The following MYO3A variants were observed in gnomAD, a reference collection of about 807,000 sequenced individuals.
MYO3A encodes the protein myosin-IIIa.
A neutral mutation model predicts 192.7 loss-of-function variants in MYO3A; 180 were observed. That is an observed-to-expected ratio of 0.93 (90% CI 0.83 to 1.06). The LOEUF (loss-of-function observed/expected upper bound fraction) is 1.06. Among genes scored for constraint, MYO3A ranks in the 50% least tolerant of loss-of-function variants. The probability of loss-of-function intolerance (pLI) is 0.00; values close to 1 mark genes in which losing one functional copy is unlikely to be tolerated. For synonymous variants in MYO3A, 628 were observed against 645.3 expected (o/e 0.97, Z 0.41); for missense variants, 1,896 against 1,905.0 (o/e 1.00, Z 0.09).
chr10:26,094,992 C>T (rs548311465), intron 15 of MYO3A, among the ~76,000 whole-genome samples: 1 of 152,010 alleles, frequency 6.6e-6, no homozygotes, highest in African/African-American at 2.4e-5. Flanking sequence ...TTTCATTGGC[C>T]CCCTAAGTTT....
chr10:25,991,199 G>A (rs1467692441), intron 4 of MYO3A, among the ~76,000 whole-genome samples: 2 of 152,072 alleles, frequency 1.3e-5, no homozygotes, highest in African/African-American at 2.4e-5. Context: ...TTTAATGATC[G>A]CCATTCTAAC....
intron 17 of MYO3A, among the ~76,000 whole-genome samples, chr10:26,107,514 C>T (rs1188137572): frequency 6.8e-6 from 1 of 147,958 alleles, no homozygotes; most frequent in Non-Finnish European, 1.5e-5. Context: ...TAGGGTAAAA[C>T]TCAACTGTGT....
intron 34 of MYO3A, chr10:26,204,205 T>A (rs1843801882): frequency 6.6e-6 from 1 of 152,240 alleles, no homozygotes; most frequent in Admixed American, 6.5e-5. Context: ...CTCAGAGCTC[T>A]GTACAGAAGA....
At chr10:26,081,273 G>A (rs1835941541) in intron 14 of MYO3A, among the ~76,000 whole-genome samples, 1 of 151,860 alleles carries the variant, frequency 6.6e-6, no homozygotes, top group African/African-American at 2.4e-5. Flanking sequence ...AGATTCCCAG[G>A]TCACTGGAGT....
chr10:26,092,373 G>A (rs1410452670), intron 15 of MYO3A, among the ~76,000 whole-genome samples: 1 of 152,028 alleles, frequency 6.6e-6, no homozygotes, highest in African/African-American at 2.4e-5. Flanking sequence ...GGCTGAGGCA[G>A]GAGAATGGCA....
At chr10:25,954,760 A>G (rs1194437589) in intron 3 of MYO3A, 114 bp from the exon 4 acceptor site, 1 of 1,153,116 alleles carries the variant, frequency 8.7e-7, no homozygotes, top group African/African-American at 1.5e-5. Flanking sequence ...AGCACAGTAA[A>G]AACTATTATG....
intron 19 of MYO3A, among the ~76,000 whole-genome samples, chr10:26,126,895 G>A (rs888529021): frequency 6.6e-6 from 1 of 152,118 alleles, no homozygotes; most frequent in Non-Finnish European, 1.5e-5. Context: ...TTTACAGAAA[G>A]TCTAAAAGCT....
intron 4 of MYO3A, among the ~76,000 whole-genome samples, chr10:25,979,220 T>G (rs1283844089): frequency 6.6e-6 from 1 of 152,210 alleles, no homozygotes; most frequent in Non-Finnish European, 1.5e-5. Flanking sequence ...GTACAGTGTT[T>G]GCAGTTATTA....
intron 20 of MYO3A, among the ~76,000 whole-genome samples, chr10:26,142,059 T>C (rs992801361): frequency 6.6e-6 from 1 of 152,222 alleles, no homozygotes; most frequent in Non-Finnish European, 1.5e-5. Flanking sequence ...CTCACATTAT[T>C]TCAAATTATA....
intron 7 of MYO3A, among the ~76,000 whole-genome samples, chr10:26,017,248 C>A (rs558079488): frequency 3.3e-5 from 5 of 151,952 alleles, no homozygotes; most frequent in Non-Finnish European, 7.4e-5. Flanking sequence ...TTATCGGAAC[C>A]CCTAGCCTTT....
intron 10 of MYO3A, among the ~76,000 whole-genome samples, chr10:26,027,687 A>G (rs1422606569): frequency 3.3e-5 from 5 of 152,226 alleles, no homozygotes; most frequent in Non-Finnish European, 7.3e-5. Flanking sequence ...GAATAGTATT[A>G]TATGTGTCCC....
At chr10:26,075,687 C>CAT (rs201672336) in intron 14 of MYO3A, among the ~76,000 whole-genome samples, 1 of 140,964 alleles carries the variant, frequency 7.1e-6, no homozygotes, top group African/African-American at 2.6e-5. Flanking sequence ...ATGTCTCTCT[C>CAT]ATATATATGA....
At chr10:25,937,236 G>GTA (rs1836143483) in intron 2 of MYO3A, among the ~76,000 whole-genome samples, 1 of 152,178 alleles carries the variant, frequency 6.6e-6, no homozygotes, top group Non-Finnish European at 1.5e-5. Context: ...TTTGGGTGGG[G>GTA]TATACATTCT....
Position 26,174,237 on chromosome 10 carries a change from C to T in MYO3A, c.3973C>T (p.Arg1325Cys), listed in dbSNP as rs767960720. 22 of 1,613,868 alleles carry T rather than the reference C, an allele frequency of 1.4e-5. No individual in the cohort carries two copies. The highest frequency in any genetic ancestry group is 3.3e-5 in the Admixed American group (2 of 59,994). ...PICSQEEGRG[R>C]LRHETVKERQ... The stretch of plus-strand genomic sequence containing the variant: ...ATGCAGCCAGGAGGAAGGCAGAGGC[C>T]GTCTGAGGCATGAGACAGTCAAAGA... The change falls in exon 30 of 35, where the codon CGT (arginine) becomes TGT (cysteine). Residue 1325 changes from arginine (R) to cysteine (C), a missense_variant. Transcript: ENST00000642920.
intron 5 of MYO3A, among the ~76,000 whole-genome samples, 158 bp from the exon 6 acceptor site, chr10:25,997,001 G>A (rs1840489355): frequency 6.6e-6 from 1 of 152,200 alleles, no homozygotes. Flanking sequence ...AAGTGGAAAT[G>A]ATGTTCTTTG....
chr10:25,964,757 C>T (rs1838158449), intron 4 of MYO3A, among the ~76,000 whole-genome samples: 1 of 152,178 alleles, frequency 6.6e-6, no homozygotes, highest in South Asian at 2.1e-4. Context: ...GAAGAACTCC[C>T]TTTAGCATTT....
intron 14 of MYO3A, among the ~76,000 whole-genome samples, chr10:26,072,821 A>G (rs1835293151): frequency 6.6e-6 from 1 of 152,178 alleles, no homozygotes; most frequent in South Asian, 2.1e-4. Flanking sequence ...TGTTTCTTAT[A>G]AGCTCCACTT....
intron 3 of MYO3A, among the ~76,000 whole-genome samples, chr10:25,953,887 G>T (rs894693529): frequency 5.4e-4 from 82 of 152,090 alleles, no homozygotes; most frequent in Non-Finnish European, 1.8e-4. Flanking sequence ...AAATAAAAAA[G>T]ATTTATAACC....
In MYO3A at chr10:26,096,293, A is replaced by G. The variant is rs76771391; in HGVS notation, c.1563-88A>G. On this transcript the variant is annotated intron_variant, in intron 15 of 34. Transcript: ENST00000642920. ...CAGAAAAGCCCATATCAGCACTCAC[A>G]GTCGTTGTTCAAATAATTATATTGT... 73,127 of 977,012 alleles carry G rather than the reference A, an allele frequency of 0.075. 3,293 individuals are homozygous for G. Among genetic ancestry groups the G allele is most frequent in the Non-Finnish European group, 0.09 (56,977 of 632,636 alleles). The allele number at this position is 977,012 out of a possible 1,614,324, so 60.5% of individuals were successfully genotyped here. A position where few individuals can be genotyped will look rare whatever the true frequency, so the allele number is the denominator to read the frequency against.
Sources: allele counts gnomAD v4.1 joint callset (sites outside exome capture counted in the v4.1 genomes callset), GRCh38; gene constraint gnomAD v4.1.1; transcripts MANE v1.5; gene names NCBI Gene and HGNC (gene_info 2026-07-23, HGNC 2026-07-21).